Variants in SHB observed in about 807,000 individuals in gnomAD.
SHB encodes SH2 domain-containing adapter protein B.
SHB carries 20 observed loss-of-function variants against 52.3 expected under a neutral mutation model. That is an observed-to-expected ratio of 0.38 (90% CI 0.27 to 0.56). SHB has a LOEUF of 0.56. SHB is among the 20% of genes least tolerant of loss of function. The probability of loss-of-function intolerance (pLI) is 0.71; values close to 1 mark genes in which losing one functional copy is unlikely to be tolerated. For synonymous variants in SHB, 397 were observed against 316.5 expected (o/e 1.25, Z -2.70); for missense variants, 825 against 723.3 (o/e 1.14, Z -1.61).
chr9:37,981,461 T>G (rs1187869685), intron 2 of SHB, among the ~76,000 whole-genome samples: 4 of 152,126 alleles, frequency 2.6e-5, no homozygotes, highest in African/African-American at 9.7e-5. Flanking sequence ...TTAAGGGAAT[T>G]TGTGGCTGGT....
At chr9:37,948,822 G>A (rs1454982241) in intron 4 of SHB, 68 bp from the exon 5 acceptor site, 22 of 1,595,942 alleles carry the variant, frequency 1.4e-5, no homozygotes, top group Non-Finnish European at 1.7e-5. Context: ...ACCTGCCTTG[G>A]GAGACTCAGC....
intron 1 of SHB, among the ~76,000 whole-genome samples, chr9:38,065,534 T>C (rs1821950503): frequency 6.6e-6 from 1 of 152,176 alleles, no homozygotes. Flanking sequence ...CCCAGCAATC[T>C]GTTGTAACCA....
chr9:38,007,059 A>G (rs1473488619), intron 2 of SHB, among the ~76,000 whole-genome samples: 4 of 152,042 alleles, frequency 2.6e-5, no homozygotes, highest in Admixed American at 2.6e-4. Flanking sequence ...TCAACTGTTA[A>G]CTCCATGAGA....
At chr9:37,920,649 T>G (rs1388128884) in intron 5 of SHB, among the ~76,000 whole-genome samples, 1 of 152,242 alleles carries the variant, frequency 6.6e-6, no homozygotes, top group Non-Finnish European at 1.5e-5. Flanking sequence ...CTGCCCTTCT[T>G]TATAAACCCT....
chr9:38,068,237 C>G lies in SHB; in HGVS notation c.409G>C (p.Ala137Pro). Residue 137 changes from alanine to proline, a missense_variant, in exon 1 of 6, where the codon GCG (alanine) becomes CCG (proline). Transcript: ENST00000377707. ...CCCGAGGAGGCGCAGCAACAGCCCG[C>G]GGCGCCCGACGCGGACGAGGCCGAG... ...AFSASSASGA[A>P]GCCCASSGAG... is the part of the protein sequence containing the mutation. 1 of 1,397,946 alleles carries G rather than the reference C, an allele frequency of 7.2e-7. No individual in the cohort carries two copies. The allele number at this position is 1,397,946 out of a possible 1,614,324, so 86.6% of individuals were successfully genotyped here.
chr9:37,935,428 C>G (rs1587198782), intron 5 of SHB, among the ~76,000 whole-genome samples: 2 of 152,134 alleles, frequency 1.3e-5, no homozygotes, highest in Non-Finnish European at 1.5e-5. Flanking sequence ...TGCTCTCTGG[C>G]AGACTGGGAA....
chr9:37,928,789 G>T (rs1402098925), intron 5 of SHB, among the ~76,000 whole-genome samples: 3 of 152,222 alleles, frequency 2.0e-5, no homozygotes, highest in Admixed American at 6.5e-5. Context: ...ACACAGAGCG[G>T]AATCTGCCAA....
chr9:38,013,780 C>G (rs956069571), intron 2 of SHB, among the ~76,000 whole-genome samples: 1 of 152,162 alleles, frequency 6.6e-6, no homozygotes, highest in Non-Finnish European at 1.5e-5. Context: ...CCCTTCCATT[C>G]CCGAGTGTGG....
intron 5 of SHB, among the ~76,000 whole-genome samples, chr9:37,932,798 A>G (rs1158717680): frequency 2.0e-5 from 3 of 152,158 alleles, no homozygotes; most frequent in African/African-American, 7.2e-5. Context: ...AACTTTTTAT[A>G]GTAATGAGGT....
At chr9:38,036,681 T>C (rs1246797660) in intron 1 of SHB, among the ~76,000 whole-genome samples, 1 of 152,220 alleles carries the variant, frequency 6.6e-6, no homozygotes, top group East Asian at 1.9e-4. Flanking sequence ...CCAGACTCTC[T>C]GGGGTTCTCT....
intron 1 of SHB, among the ~76,000 whole-genome samples, chr9:38,016,474 T>C (rs1015318382): frequency 2.0e-5 from 3 of 152,158 alleles, no homozygotes; most frequent in African/African-American, 7.2e-5. Context: ...TGTGAGTTGC[T>C]CGGTTTAATG....
Position 38,068,598 on chromosome 9 carries a change from G to T in SHB, c.48C>A (p.Thr16=). The change falls in exon 1 of 6, where the codon ACC becomes ACA. Residue 16 remains threonine, a synonymous_variant. Coordinates refer to ENST00000377707, the MANE Select transcript of SHB (RefSeq NM_003028.3). ...GCCGCGGCGGCTGCGGGGGGCTCTT[G>T]GTCTTGCTGTTGCCCAAGCTGAAGT... ...NKYFSLGNSK[T]KSPPQPPRPD... 1 of 1,493,698 alleles carries T rather than the reference G, an allele frequency of 6.7e-7. No homozygotes were observed. Among genetic ancestry groups the T allele is most frequent in the East Asian group, 2.7e-5 (1 of 36,480 alleles). The allele number at this position is 1,493,698 out of a possible 1,614,324, so 92.5% of individuals were successfully genotyped here. A position where few individuals can be genotyped will look rare whatever the true frequency, so the allele number is the denominator to read the frequency against.
At chr9:38,038,653 T>C (rs1214534750) in intron 1 of SHB, among the ~76,000 whole-genome samples, 2 of 152,218 alleles carry the variant, frequency 1.3e-5, no homozygotes, top group African/African-American at 4.8e-5. Context: ...CCCAGACTCC[T>C]TCCTGCCCCA....
chr9:37,951,271 C>G (rs1273473553), intron 4 of SHB, among the ~76,000 whole-genome samples: 3 of 152,190 alleles, frequency 2.0e-5, no homozygotes, highest in Non-Finnish European at 2.9e-5. Context: ...AGCATGCAGA[C>G]CACAGACCCC....
chr9:37,988,221 TA>T (rs1481517916), intron 2 of SHB, among the ~76,000 whole-genome samples: 2 of 152,144 alleles, frequency 1.3e-5, no homozygotes, highest in Non-Finnish European at 2.9e-5. Context: ...GCCTTCTGGA[TA>T]ACAATGACGA....
chr9:37,996,604 CAG>C, intron 2 of SHB, among the ~76,000 whole-genome samples: 1 of 152,346 alleles, frequency 6.6e-6, no homozygotes, highest in East Asian at 1.9e-4. Context: ...TGGACAGACA[CAG>C]AGTGTCCACT....
chr9:37,982,420 G>C (rs1820743694), intron 2 of SHB, among the ~76,000 whole-genome samples: 1 of 151,968 alleles, frequency 6.6e-6, no homozygotes, highest in Admixed American at 6.6e-5. Flanking sequence ...TTGTACCCAG[G>C]GGGCGGAGGT....
chr9:37,972,543 A>G (rs771189251), intron 3 of SHB, among the ~76,000 whole-genome samples: 17 of 152,240 alleles, frequency 1.1e-4, no homozygotes, highest in Non-Finnish European at 2.4e-4. Flanking sequence ...ATGTGGTGTG[A>G]GAAATCTTCC....
intron 1 of SHB, among the ~76,000 whole-genome samples, chr9:38,027,624 C>T (rs778318935): frequency 1.0e-4 from 15 of 150,436 alleles, no homozygotes; most frequent in Non-Finnish European, 2.1e-4. Flanking sequence ...CCATGGTGGG[C>T]AACTAGATGG....
Sources: gnomAD v4.1 joint callset for allele counts (sites outside exome capture counted in the v4.1 genomes callset) on GRCh38, gnomAD v4.1.1 for gene constraint, MANE v1.5 for transcripts, NCBI Gene and HGNC (gene_info 2026-07-23, HGNC 2026-07-21) for gene names.